The following KIAA1217 variants were observed in gnomAD, a reference collection of about 807,000 sequenced individuals.
KIAA1217 encodes sickle tail protein homolog.
Under a neutral mutation model 163.9 loss-of-function variants are expected in KIAA1217, and 88 were observed. The observed-to-expected ratio is 0.54, with a 90% CI of 0.45 to 0.64. The LOEUF (loss-of-function observed/expected upper bound fraction) is 0.64, where lower values mean the gene tolerates loss of function less well. KIAA1217 is among the 30% of genes least tolerant of loss of function. KIAA1217 has a pLI of 0.00. For synonymous variants in KIAA1217, 903 were observed against 923.1 expected (o/e 0.98, Z 0.39); for missense variants, 2,372 against 2,475.0 (o/e 0.96, Z 0.88).
At chr10:24,269,978 C>T (rs533072858) in intron 2 of KIAA1217, among the ~76,000 whole-genome samples, 84 of 152,292 alleles carry the variant, frequency 5.5e-4, no homozygotes, top group African/African-American at 1.9e-3. Context: ...GCCCACACCA[C>T]CCAAATCAAC....
At chr10:23,960,489 T>C (rs1844776182) in intron 1 of KIAA1217, among the ~76,000 whole-genome samples, 1 of 150,434 alleles carries the variant, frequency 6.6e-6, no homozygotes, top group African/African-American at 2.5e-5. Flanking sequence ...ACTCCCAATT[T>C]CAGGTGATCC....
Position 23,988,345 on chromosome 10 carries a change from A to T in KIAA1217, c.-320-18880A>T, listed in dbSNP as rs116600474. On this transcript the variant is annotated intron_variant, in intron 1 of 18. Transcript: ENST00000376462. ...CTATAATGACTGGTTTCAGAGATTC[A>T]TAAAACTATAATTATAACCAATAGT... Among the ~76,000 whole-genome samples the T allele has an allele frequency of 2.9e-3, 446 of 152,358 alleles. 5 individuals are homozygous for T. Among genetic ancestry groups the T allele is most frequent in the African/African-American group, 9.8e-3 (409 of 41,582 alleles).
At chr10:24,290,317 GC>G in intron 2 of KIAA1217, among the ~76,000 whole-genome samples, 1 of 152,190 alleles carries the variant, frequency 6.6e-6, no homozygotes. Flanking sequence ...CTTCTTACTT[GC>G]ATTAAAAATA....
chr10:24,067,807 G>A (rs1043918921), intron 2 of KIAA1217, among the ~76,000 whole-genome samples: 1 of 152,238 alleles, frequency 6.6e-6, no homozygotes, highest in Non-Finnish European at 1.5e-5. Flanking sequence ...CGAGCTTCCT[G>A]GCCACTTTGT....
chr10:24,091,884 A>G (rs1288119124), intron 2 of KIAA1217, among the ~76,000 whole-genome samples: 2 of 151,762 alleles, frequency 1.3e-5, no homozygotes. Context: ...TTTTGCAGGC[A>G]TGTAGTTTGA....
intron 1 of KIAA1217, among the ~76,000 whole-genome samples, chr10:23,699,191 G>A (rs1444818160): frequency 6.6e-6 from 1 of 152,200 alleles, no homozygotes; most frequent in African/African-American, 2.4e-5. Context: ...CTTGGTTGGG[G>A]TCCTGTGGCT....
At chr10:24,017,354 C>G (rs960984707) in intron 2 of KIAA1217, among the ~76,000 whole-genome samples, 6 of 152,206 alleles carry the variant, frequency 3.9e-5, no homozygotes, top group African/African-American at 1.2e-4. Context: ...GCCACCGTGC[C>G]CAGCCAGAAA....
At chr10:24,214,242 A>G (rs750637750) in intron 1 of KIAA1217, among the ~76,000 whole-genome samples, 4 of 152,216 alleles carry the variant, frequency 2.6e-5, no homozygotes, top group African/African-American at 7.2e-5. Flanking sequence ...GATTATGTGT[A>G]TTAATCAGAT....
At chr10:24,075,366 A>T (rs201981104) in intron 2 of KIAA1217, among the ~76,000 whole-genome samples, 1 of 152,180 alleles carries the variant, frequency 6.6e-6, no homozygotes, top group East Asian at 1.9e-4. Flanking sequence ...CTCAGGCTGG[A>T]GTGCAGTGGC....
At chr10:24,364,283 G>A (rs538951327) in intron 2 of KIAA1217, among the ~76,000 whole-genome samples, 42 of 152,158 alleles carry the variant, frequency 2.8e-4, no homozygotes, top group African/African-American at 2.2e-4. Flanking sequence ...CCAGCCACCC[G>A]CTCTTATTTT....
At chr10:24,364,486 A>G (rs2050486126) in intron 2 of KIAA1217, among the ~76,000 whole-genome samples, 1 of 152,134 alleles carries the variant, frequency 6.6e-6, no homozygotes, top group African/African-American at 2.4e-5. Context: ...AGTGAGGTTC[A>G]TTTTGTAATC....
chr10:23,937,970 A>G (rs1589112819), intron 1 of KIAA1217, among the ~76,000 whole-genome samples: 1 of 152,294 alleles, frequency 6.6e-6, no homozygotes, highest in African/African-American at 2.4e-5. Context: ...AAGAAGATGA[A>G]GTTGAGAGTT....
intron 1 of KIAA1217, among the ~76,000 whole-genome samples, chr10:23,801,450 A>G (rs975694512): frequency 2.6e-5 from 4 of 152,166 alleles, no homozygotes; most frequent in African/African-American, 9.7e-5. Context: ...CATTCTGCAC[A>G]TGTATCCCAG....
chr10:24,542,894 G>A lies in KIAA1217; in HGVS notation c.3624G>A (p.Gly1208=), dbSNP rs2075295032. ...PQMEFQKVTT[G]AVRPSDPPKW... ...GTTCTCCCTCTCAGGTTACCACAGGGGCTGTAAGACCTAGTGACCCTCCTA... is the reference window on the plus strand; with the variant it reads ...GTTCTCCCTCTCAGGTTACCACAGGAGCTGTAAGACCTAGTGACCCTCCTA... Residue 1208 remains glycine (G), a synonymous_variant, in exon 19 of 21, where the codon GGG becomes GGA. Coordinates refer to ENST00000376454, the MANE Select transcript of KIAA1217 (RefSeq NM_019590.5). 1.9e-6 allele frequency: 3 copies of A among 1,610,776 alleles called. No individual in the cohort carries two copies. Among genetic ancestry groups the A allele is most frequent in the African/African-American group, 1.3e-5 (1 of 74,858 alleles).
intron 1 of KIAA1217, among the ~76,000 whole-genome samples, chr10:23,887,008 T>C (rs1204577740): frequency 6.6e-6 from 1 of 151,920 alleles, no homozygotes; most frequent in East Asian, 2.0e-4. Context: ...CCCCTCTTAA[T>C]TCAATCTTTA....
intron 1 of KIAA1217, among the ~76,000 whole-genome samples, chr10:23,989,952 C>T (rs961797406): frequency 6.6e-6 from 1 of 152,130 alleles, no homozygotes; most frequent in Non-Finnish European, 1.5e-5. Context: ...AAGGATTAAA[C>T]CAAGAAATGA....
chr10:24,382,183 G>A (rs1431104707), intron 3 of KIAA1217, among the ~76,000 whole-genome samples: 5 of 152,104 alleles, frequency 3.3e-5, no homozygotes, highest in African/African-American at 9.6e-5. Context: ...TCTGATTTGG[G>A]TACTTGTGTT....
At chr10:23,762,325 A>T (rs1420343019) in intron 1 of KIAA1217, among the ~76,000 whole-genome samples, 5 of 150,400 alleles carry the variant, frequency 3.3e-5, no homozygotes, top group Admixed American at 3.3e-4. Context: ...AAAAAAAAAA[A>T]GAAAACAGGC....
chr10:24,380,870 C>T lies in KIAA1217; in HGVS notation c.356C>T (p.Thr119Ile). 6.6e-7 allele frequency: 1 copy of T among 1,505,256 alleles called. No individual in the cohort carries two copies. The highest frequency in any genetic ancestry group is 8.9e-7 in the Non-Finnish European group (1 of 1,124,392). 93.2% of individuals were successfully genotyped at this position (1,505,256 alleles called of 1,614,324 possible). The stretch of plus-strand genomic sequence containing the variant: ...CTTTCTTTAAAATGCCTTTTGCAGA[C>T]AAGGAGCCCCAAACTGTCTCACAGT... ...MGHQERLRDQ[T>I]RSPKLSHSPQ... The change falls in exon 3 of 21, where the codon ACA becomes ATA. Residue 119 changes from threonine to isoleucine, a missense_variant and splice_region_variant. Physicochemically the swap from Thr to Ile is moderately conservative, Grantham distance 89. Transcript: ENST00000376454.
Sources: allele counts gnomAD v4.1 joint callset (sites outside exome capture counted in the v4.1 genomes callset), GRCh38; gene constraint gnomAD v4.1.1; transcripts MANE v1.5; gene names NCBI Gene and HGNC (gene_info 2026-07-23, HGNC 2026-07-21).